TAOK3: variants seen among roughly 807,000 people sequenced by gnomAD.
The protein encoded by TAOK3 is serine/threonine-protein kinase TAO3.
TAOK3 carries 40 observed loss-of-function variants against 120.4 expected under a neutral mutation model. That is an observed-to-expected ratio of 0.33 (90% CI 0.26 to 0.43). The LOEUF is 0.43. TAOK3 is among the 20% of genes least tolerant of loss of function. The pLI, the probability that TAOK3 is intolerant of heterozygous loss-of-function variation, is 1.00. For synonymous variants in TAOK3, 355 were observed against 387.5 expected (o/e 0.92, Z 0.99); for missense variants, 821 against 1,112.1 (o/e 0.74, Z 3.72).
At chr12:118,313,815 A>G (rs1339371960) in intron 1 of TAOK3, among the ~76,000 whole-genome samples, 2 of 152,232 alleles carry the variant, frequency 1.3e-5, no homozygotes, top group Non-Finnish European at 2.9e-5. Flanking sequence ...AAACTGGAAT[A>G]AGTAATTATG....
intron 1 of TAOK3, among the ~76,000 whole-genome samples, chr12:118,354,285 C>G (rs1177460568): frequency 6.6e-6 from 1 of 152,120 alleles, no homozygotes; most frequent in Non-Finnish European, 1.5e-5. Flanking sequence ...GTTAGTTGAA[C>G]ACAAGCACTG....
Position 118,255,575 on chromosome 12 carries a change from A to G in TAOK3, c.-8T>C, listed in dbSNP as rs371871925. On this transcript the variant is annotated 5_prime_UTR_variant, in exon 3 of 21. Transcript: ENST00000392533. ...CAGCACCCCTTTACGCATGATGGCCAGTAGAGCAGGCTCTGCTTTTTGATA... is the reference window on the plus strand; with the variant it reads ...CAGCACCCCTTTACGCATGATGGCCGGTAGAGCAGGCTCTGCTTTTTGATA... 1.2e-5 allele frequency: 19 copies of G among 1,601,904 alleles called. No individual in the cohort carries two copies. Among genetic ancestry groups the G allele is most frequent in the East Asian group, 2.2e-5 (1 of 44,580 alleles).
chr12:118,336,913 G>T (rs1178630717), intron 1 of TAOK3, among the ~76,000 whole-genome samples: 1 of 151,996 alleles, frequency 6.6e-6, no homozygotes, highest in Non-Finnish European at 1.5e-5. Context: ...CTCTACTAAA[G>T]ATATACAAAT....
chr12:118,308,168 CT>C (rs2043120949), intron 1 of TAOK3, among the ~76,000 whole-genome samples: 1 of 152,158 alleles, frequency 6.6e-6, no homozygotes, highest in Non-Finnish European at 1.5e-5. Flanking sequence ...AGAATGACCT[CT>C]GGTCGTCCTC....
chr12:118,304,965 G>A (rs1432788959), intron 1 of TAOK3, among the ~76,000 whole-genome samples: 1 of 152,120 alleles, frequency 6.6e-6, no homozygotes, highest in African/African-American at 2.4e-5. Flanking sequence ...AGCAACCATG[G>A]TTAAGAACAC....
At chr12:118,251,867 G>A (rs1462633149) in intron 3 of TAOK3, among the ~76,000 whole-genome samples, 1 of 151,558 alleles carries the variant, frequency 6.6e-6, no homozygotes, top group Non-Finnish European at 1.5e-5. Context: ...TGTCCCCCAG[G>A]CTGGAGTGCA....
intron 1 of TAOK3, among the ~76,000 whole-genome samples, chr12:118,316,023 T>C (rs192427193): frequency 6.2e-4 from 94 of 152,322 alleles, no homozygotes; most frequent in African/African-American, 2.2e-3. Flanking sequence ...TAGGAGGTAC[T>C]GATGCCAAGA....
chr12:118,334,433 C>T (rs1408971303), intron 1 of TAOK3, among the ~76,000 whole-genome samples: 3 of 152,202 alleles, frequency 2.0e-5, no homozygotes, highest in Admixed American at 2.0e-4. Context: ...CTCATAGAAG[C>T]AAAGGTTGCC....
At chr12:118,329,425 C>G (rs2044058936) in intron 1 of TAOK3, among the ~76,000 whole-genome samples, 1 of 151,900 alleles carries the variant, frequency 6.6e-6, no homozygotes, top group Non-Finnish European at 1.5e-5. Context: ...AACAAAATGT[C>G]AAAAATATTA....
chr12:118,260,432 A>C (rs1219965751), intron 2 of TAOK3, among the ~76,000 whole-genome samples: 4 of 152,224 alleles, frequency 2.6e-5, no homozygotes, highest in African/African-American at 9.6e-5. Context: ...CACAATATCT[A>C]ACACTCCATA....
intron 1 of TAOK3, among the ~76,000 whole-genome samples, chr12:118,273,334 C>G (rs988765141): frequency 6.6e-6 from 1 of 151,884 alleles, no homozygotes; most frequent in East Asian, 1.9e-4. Context: ...AACCCCATCT[C>G]TACTAAAAAT....
At chr12:118,313,843 G>A (rs1304258280) in intron 1 of TAOK3, among the ~76,000 whole-genome samples, 2 of 152,110 alleles carry the variant, frequency 1.3e-5, no homozygotes, top group African/African-American at 2.4e-5. Context: ...CTTACTTGGC[G>A]ACTGAGTCAA....
Position 118,151,087 on chromosome 12 carries a change from C to T in TAOK3, c.2607G>A (p.Glu869=), listed in dbSNP as rs781564533. ...ERIKNLLERQ[E]REIETFDMES... ...CCATGTCAAAAGTTTCAATCTCTCG[C>T]TCTTGCCTTTCCAATAGGTTCTTTA... is the stretch of plus-strand genomic sequence containing the variant. Residue 869 remains glutamate (E), a synonymous_variant, in exon 21 of 21, where the codon GAG becomes GAA. Transcript: ENST00000392533. 6 of 1,613,612 alleles carry T rather than the reference C, an allele frequency of 3.7e-6. No individual in the cohort carries two copies. In the African/African-American group the frequency reaches 6.7e-5, roughly 18 times the overall value.
At chr12:118,304,975 C>T (rs1027890232) in intron 1 of TAOK3, among the ~76,000 whole-genome samples, 9 of 152,118 alleles carry the variant, frequency 5.9e-5, no homozygotes, top group African/African-American at 2.2e-4. Context: ...GTTAAGAACA[C>T]GGGTTATGAT....
intron 8 of TAOK3, among the ~76,000 whole-genome samples, chr12:118,234,864 G>A (rs1014441984): frequency 6.6e-6 from 1 of 152,196 alleles, no homozygotes; most frequent in African/African-American, 2.4e-5. Context: ...ATCTTCATTA[G>A]GAGGGCAGGG....
At chr12:118,244,532 T>C (rs888139468) in intron 4 of TAOK3, among the ~76,000 whole-genome samples, 4 of 136,928 alleles carry the variant, frequency 2.9e-5, no homozygotes, top group African/African-American at 1.1e-4. Context: ...TTTTTCTTTT[T>C]CTTTTTTTTT....
At position 118,152,333 on chromosome 12, in the gene TAOK3, T is replaced by C. The variant is rs1194028850; in HGVS notation, c.2429A>G (p.Asn810Ser). 5.0e-6 allele frequency: 8 copies of C among 1,614,160 alleles called. No homozygotes were observed. Among genetic ancestry groups the C allele is most frequent in the Non-Finnish European group, 6.8e-6 (8 of 1,180,018 alleles). Residue 810 changes from asparagine to serine, a missense_variant, in exon 20 of 21, where the codon AAC (asparagine) becomes AGC (serine). Transcript: ENST00000392533. Reference sequence around the variant, plus strand: ...CATCTTGATTTTGCTCTGGTAGGCGTTGAGCAGCTCCATTTCCTGCTGGAG... The same window carrying C: ...CATCTTGATTTTGCTCTGGTAGGCGCTGAGCAGCTCCATTTCCTGCTGGAG... ...LQLQQEMELL[N>S]AYQSKIKMQT... is the part of the protein sequence containing the mutation.
At chr12:118,204,376 A>G (rs1334018154) in intron 11 of TAOK3, among the ~76,000 whole-genome samples, 1 of 152,180 alleles carries the variant, frequency 6.6e-6, no homozygotes, top group African/African-American at 2.4e-5. Flanking sequence ...AGTGGGCCTT[A>G]GCTGATGAAA....
At chr12:118,259,908 G>A (rs566350069) in intron 2 of TAOK3, among the ~76,000 whole-genome samples, 11 of 152,120 alleles carry the variant, frequency 7.2e-5, no homozygotes, top group Admixed American at 2.0e-4. Flanking sequence ...GCATGCATAT[G>A]AGAAAACTAC....
Sources: allele counts gnomAD v4.1 joint callset (sites outside exome capture counted in the v4.1 genomes callset), GRCh38; gene constraint gnomAD v4.1.1; transcripts MANE v1.5; gene names NCBI Gene and HGNC (gene_info 2026-07-23, HGNC 2026-07-21).